The following NAP1L4 variants were observed in gnomAD, a reference collection of about 807,000 sequenced individuals.
The protein encoded by NAP1L4 is nucleosome assembly protein 1 like 4.
In NAP1L4, 15 loss-of-function variants were observed where a neutral mutation model predicts 58.2. The ratio of observed to expected loss-of-function variants is 0.26; its 90% CI spans 0.17 to 0.40. The LOEUF (loss-of-function observed/expected upper bound fraction) is 0.40. NAP1L4 is among the 10% of genes least tolerant of loss of function. The pLI is 1.00. For missense variants in NAP1L4, 384 were observed against 451.1 expected (o/e 0.85, Z 1.35); for synonymous variants, 171 against 155.6 (o/e 1.10, Z -0.74).
chr11:2,947,382 T>G (rs1845990923), intron 15 of NAP1L4, among the ~76,000 whole-genome samples: 1 of 152,224 alleles, frequency 6.6e-6, no homozygotes, highest in Non-Finnish European at 1.5e-5. Context: ...ACCGGTGTCA[T>G]GACCCAGTGC....
At chr11:2,981,002 G>T (rs1254690215) in intron 1 of NAP1L4, among the ~76,000 whole-genome samples, 1 of 151,980 alleles carries the variant, frequency 6.6e-6, no homozygotes, top group Non-Finnish European at 1.5e-5. Context: ...GCCAAAGTGG[G>T]CAGATTAGTT....
In NAP1L4 at chr11:2,951,178, C is replaced by T. The variant is rs1846204819; in HGVS notation, c.1122+81G>A. ...GGAATAATGAATATTGTTAACACTACTGCCTCAAAGTGGGGAACATTTTTA... is the reference window on the plus strand; with the variant it reads ...GGAATAATGAATATTGTTAACACTATTGCCTCAAAGTGGGGAACATTTTTA... On this transcript the variant is annotated intron_variant, in intron 14 of 15. Coordinates refer to ENST00000380542, the MANE Select transcript of NAP1L4 (RefSeq NM_005969.4). This position sits in a 1 kb window ranked among gnomAD's most constrained non-coding sequence, Gnocchi z 4.0. 9.3e-7 allele frequency: 1 copy of T among 1,071,492 alleles called. No homozygotes were observed. Among genetic ancestry groups the T allele is most frequent in the African/African-American group, 1.6e-5 (1 of 63,536 alleles). 66.4% of individuals were successfully genotyped at this position (1,071,492 alleles called of 1,614,324 possible).
At chr11:2,967,080 C>CA (rs1847324358) in intron 7 of NAP1L4, among the ~76,000 whole-genome samples, 1 of 152,182 alleles carries the variant, frequency 6.6e-6, no homozygotes, top group Admixed American at 6.5e-5. Flanking sequence ...CAAAGGGACT[C>CA]AGAGTTAATC....
Position 2,964,626 on chromosome 11 carries a change from T to C in NAP1L4, c.606+54A>G, listed in dbSNP as rs536442981. The C allele has an allele frequency of 1.2e-5, 18 of 1,463,918 alleles. No homozygotes were observed. In the South Asian group the frequency reaches 1.8e-4, roughly 14 times the overall value. 90.7% of individuals were successfully genotyped at this position (1,463,918 alleles called of 1,614,324 possible). A position where few individuals can be genotyped will look rare whatever the true frequency, so the allele number is the denominator to read the frequency against. ...TTGCCCCTGGCTCCAAGTTCTTCCA[T>C]CTTTGTGGACTGACCCTGTCTGATG... On this transcript the variant is annotated intron_variant, in intron 8 of 15. Transcript: ENST00000380542.
At position 2,948,642 on chromosome 11, in the gene NAP1L4, C is replaced by A; in HGVS notation, c.*32+585G>T. Among the ~76,000 whole-genome samples, 1 of 152,218 alleles carries A rather than the reference C, an allele frequency of 6.6e-6. No individual in the cohort carries two copies. Among genetic ancestry groups the A allele is most frequent in the East Asian group, 1.9e-4 (1 of 5,200 alleles). ...TGGTTCTTGCTTCATTCAACTAGCA[C>A]CAACCTCACAACAGTACTTTTTACT... On this transcript the variant is annotated intron_variant, in intron 15 of 15. Coordinates refer to ENST00000380542, the MANE Select transcript of NAP1L4 (RefSeq NM_005969.4). The surrounding 1 kb of genome is among the most constrained non-coding windows in gnomAD (Gnocchi z 5.1).
intron 8 of NAP1L4, among the ~76,000 whole-genome samples, chr11:2,963,018 T>G (rs1034059468): frequency 6.8e-6 from 1 of 147,686 alleles, no homozygotes; most frequent in African/African-American, 2.5e-5. Context: ...GAGAATCGCT[T>G]GAATCCAGGA....
At position 2,948,003 on chromosome 11, in the gene NAP1L4, G is replaced by A. The variant is rs1041180454; in HGVS notation, c.*32+1224C>T. ...CTTCCAGGGAGGCATACTGAAATAC[G>A]GATAGGTGGCACGCATCGAGGATTC... On this transcript the variant is annotated intron_variant, in intron 15 of 15. Transcript: ENST00000380542. This position sits in a 1 kb window ranked among gnomAD's most constrained non-coding sequence, Gnocchi z 5.1. Among the ~76,000 whole-genome samples, 8 of 152,288 alleles carry A rather than the reference G, an allele frequency of 5.3e-5. No individual in the cohort carries two copies. Among genetic ancestry groups the A allele is most frequent in the African/African-American group, 1.7e-4 (7 of 41,558 alleles).
Position 2,949,171 on chromosome 11 carries a change from G to C in NAP1L4, c.*32+56C>G. ...TTATTCAAAGTCAAAACAATGCATT[G>C]TATAAAGTATAGATCAGAAGTTTGG... On this transcript the variant is annotated intron_variant, in intron 15 of 15. Transcript: ENST00000380542. This position sits in a 1 kb window ranked among gnomAD's most constrained non-coding sequence, Gnocchi z 4.0. The C allele has an allele frequency of 1.5e-6, 2 of 1,367,860 alleles. No homozygotes were observed. Among genetic ancestry groups the C allele is most frequent in the Non-Finnish European group, 2.1e-6 (2 of 964,238 alleles). 84.7% of individuals were successfully genotyped at this position (1,367,860 alleles called of 1,614,324 possible). A position where few individuals can be genotyped will look rare whatever the true frequency, so the allele number is the denominator to read the frequency against.
chr11:2,954,361 C>T lies in NAP1L4; in HGVS notation c.1035+166G>A. On this transcript the variant is annotated intron_variant, in intron 12 of 15. Transcript: ENST00000380542. The surrounding 1 kb of genome is among the most constrained non-coding windows in gnomAD (Gnocchi z 4.8). ...CTCTGTTCCTCAGACTTCTCCTCTT[C>T]AAGCGTATTCCCCCCACAACAAGGA... 9.9e-7 allele frequency: 1 copy of T among 1,013,980 alleles called. No individual in the cohort carries two copies. Among genetic ancestry groups the T allele is most frequent in the Non-Finnish European group, 1.5e-6 (1 of 669,938 alleles). 62.8% of individuals were successfully genotyped at this position (1,013,980 alleles called of 1,614,324 possible).
Position 2,951,898 on chromosome 11 carries a change from C to A in NAP1L4, c.1036-89G>T. ...CAGTCCCATCAAGTGACTCACTGAC[C>A]AAGCCTAAGAGGAGCAGAAAGTCCA... On this transcript the variant is annotated intron_variant, in intron 12 of 15. Transcript: ENST00000380542. This position sits in a 1 kb window ranked among gnomAD's most constrained non-coding sequence, Gnocchi z 4.0. The A allele has an allele frequency of 7.6e-7, 1 of 1,320,582 alleles. No homozygotes were observed. Among genetic ancestry groups the A allele is most frequent in the Non-Finnish European group, 1.1e-6 (1 of 919,800 alleles). 81.8% of individuals were successfully genotyped at this position (1,320,582 alleles called of 1,614,324 possible).
rs1365839362 is a variant in NAP1L4 at position 2,972,152 on chromosome 11, G to A, written c.265C>T (p.His89Tyr). The A allele has an allele frequency of 1.9e-6, 3 of 1,605,980 alleles. No individual in the cohort carries two copies. The South Asian group carries it at 3.3e-5, about 18-fold the overall frequency. Residue 89 changes from histidine to tyrosine, a missense_variant, in exon 5 of 16, where the codon CAT becomes TAT. His to Tyr is a moderately conservative substitution (Grantham distance 83, BLOSUM62 2). Around this residue, in one of 3 missense-constraint regions of NAP1L4, gnomAD observed 296 missense variants for 360.8 expected, o/e 0.82. Transcript: ENST00000380542. ...HIEAKFYEEV[H>Y]DLERKYAALY... is the part of the protein sequence containing the mutation. The stretch of plus-strand genomic sequence containing the variant: ...GCTGCATACTTTCTTTCCAAGTCAT[G>A]TACCTCTTCATAGAACTTGGCTTCT...
rs1177542309 is a variant in NAP1L4, at chr11:2,946,817, A to G, written c.*33-1171T>C. Among the ~76,000 whole-genome samples, 1 of 152,232 alleles carries G rather than the reference A, an allele frequency of 6.6e-6. No homozygotes were observed. The highest frequency in any genetic ancestry group is 2.4e-5 in the African/African-American group (1 of 41,466). The stretch of plus-strand genomic sequence containing the variant: ...CTGACCAAAAACCCTCGCCATGTCA[A>G]TCTGACATTCAAGGGTAGACTGAAG... On this transcript the variant is annotated intron_variant, in intron 15 of 15. Transcript: ENST00000380542. The surrounding 1 kb of genome is among the most constrained non-coding windows in gnomAD (Gnocchi z 4.8).
chr11:2,954,507 C>G lies in NAP1L4; in HGVS notation c.1035+20G>C. On this transcript the variant is annotated intron_variant, in intron 12 of 15. Transcript: ENST00000380542. This position sits in a 1 kb window ranked among gnomAD's most constrained non-coding sequence, Gnocchi z 4.8. ...GAGATAAGCACCCAGGTGGAAGCCC[C>G]CCTTCCCCGAGCCTCATACATTGTC... 1 of 1,613,314 alleles carries G rather than the reference C, an allele frequency of 6.2e-7. No homozygotes were observed. Among genetic ancestry groups the G allele is most frequent in the South Asian group, 1.1e-5 (1 of 91,052 alleles).
chr11:2,983,414 G>A (rs1349760123), intron 1 of NAP1L4, among the ~76,000 whole-genome samples: 1 of 152,060 alleles, frequency 6.6e-6, no homozygotes, highest in Non-Finnish European at 1.5e-5. Context: ...TGCAGTGGCA[G>A]GATCATAGCT....
intron 6 of NAP1L4, among the ~76,000 whole-genome samples, chr11:2,970,342 A>G (rs1379282135): frequency 1.3e-5 from 2 of 152,170 alleles, no homozygotes; most frequent in Non-Finnish European, 2.9e-5. Flanking sequence ...CTGGGCAAAA[A>G]AAGTCCAGTG....
At chr11:2,947,026 G>A (rs1224707944) in intron 15 of NAP1L4, among the ~76,000 whole-genome samples, 1 of 152,184 alleles carries the variant, frequency 6.6e-6, no homozygotes, top group Non-Finnish European at 1.5e-5. Flanking sequence ...GACTGGGGCT[G>A]GTGACAAGGT....
At chr11:2,985,411 AATGTT>A (rs761327205) in intron 1 of NAP1L4, among the ~76,000 whole-genome samples, 4 of 152,202 alleles carry the variant, frequency 2.6e-5, no homozygotes, top group Non-Finnish European at 5.9e-5. Context: ...GTTTGTTTTA[AATGTT>A]ATGTTCAGTT....
chr11:2,968,292 G>A (rs2133961051), intron 7 of NAP1L4, among the ~76,000 whole-genome samples: 1 of 152,272 alleles, frequency 6.6e-6, no homozygotes, highest in East Asian at 1.9e-4. Flanking sequence ...TTTAGTTTTT[G>A]CTATTTAGTT....
Position 2,971,460 on chromosome 11 carries a change from T to G in NAP1L4, c.390A>C (p.Glu130Asp), listed in dbSNP as rs773959537. The change falls in exon 6 of 16, where the codon GAA (glutamate) becomes GAC (aspartate). Residue 130 changes from glutamate to aspartate, a missense_variant. Around this residue, in one of 3 missense-constraint regions of NAP1L4, gnomAD observed 296 missense variants for 360.8 expected, o/e 0.82. Coordinates refer to ENST00000380542, the MANE Select transcript of NAP1L4 (RefSeq NM_005969.4). This position sits in a 1 kb window ranked among gnomAD's most constrained non-coding sequence, Gnocchi z 4.2. Reference protein sequence around the residue: ...ESEWHSENEEEEKLAGDMKSK... With the variant: ...ESEWHSENEEDEKLAGDMKSK... ...TCTAAAGACTTACAGCCAATTTCTC[T>G]TCCTCTTCATTTTCACTGTGCCATT... 2 of 1,613,706 alleles carry G rather than the reference T, an allele frequency of 1.2e-6. No individual in the cohort carries two copies. The highest frequency in any genetic ancestry group is 2.2e-5 in the South Asian group (2 of 91,074).
Sources: gnomAD v4.1 joint callset for allele counts (sites outside exome capture counted in the v4.1 genomes callset) on GRCh38, gnomAD v4.1.1 for gene constraint, gnomAD v4.1.1 regional missense constraint, Gnocchi (gnomAD v3.1) non-coding constraint, MANE v1.5 for transcripts, NCBI Gene and HGNC (gene_info 2026-07-23, HGNC 2026-07-21) for gene names.